The following HPRT1 variants were observed in gnomAD, a reference collection of about 807,000 sequenced individuals.
HPRT1 encodes hypoxanthine-guanine phosphoribosyltransferase.
Under a neutral mutation model 19.0 loss-of-function variants are expected in HPRT1, and 4 were observed. The ratio of observed to expected loss-of-function variants is 0.21; its 90% CI spans 0.10 to 0.48. The LOEUF (loss-of-function observed/expected upper bound fraction) is 0.48. HPRT1 is among the 20% of genes least tolerant of loss of function. The pLI is 0.98. For missense variants in HPRT1, 65 were observed against 164.0 expected (o/e 0.40, Z 3.30); for synonymous variants, 53 against 54.9 (o/e 0.97, Z 0.15).
chrX:134,483,784 C>T (rs937612959), intron 3 of HPRT1, among the ~76,000 whole-genome samples: 1 of 111,719 alleles, frequency 9.0e-6, no homozygotes, highest in African/African-American at 3.3e-5. Context: ...GCACTTATAC[C>T]TGTATTCCAA....
chrX:134,467,039 A>C lies in HPRT1; in HGVS notation c.28-6320A>C, dbSNP rs763154412. Among the ~76,000 whole-genome samples the C allele has an allele frequency of 3.1e-4, 26 of 83,362 alleles. No individual in the cohort carries two copies. In the South Asian group the frequency reaches 9.6e-3, roughly 31 times the overall value. The allele number at this position is 83,362 out of a possible 115,157, so 72.4% of individuals were successfully genotyped here. On this transcript the variant is annotated intron_variant, in intron 1 of 8. Transcript: ENST00000298556. ...TATATGCCTTTCCCACTAGATTTTA[A>C]GCTTTTTTTTTTTTTTTTTTTTTGT...
chrX:134,471,619 C>T (rs190406957), intron 1 of HPRT1, among the ~76,000 whole-genome samples: 138 of 111,000 alleles, frequency 1.2e-3, no homozygotes, highest in Non-Finnish European at 1.9e-3. Flanking sequence ...ATTGGGGTAG[C>T]GGGGACAGCA....
chrX:134,500,017 T>G lies in HPRT1; in HGVS notation c.610-13T>G. The G allele has an allele frequency of 9.4e-7, 1 of 1,059,380 alleles. No homozygotes were observed. Among genetic ancestry groups the G allele is most frequent in the Non-Finnish European group, 1.3e-6 (1 of 761,780 alleles). The allele number at this position is 1,059,380 out of a possible 1,213,427, so 87.3% of individuals were successfully genotyped here. ...TACTTTTTAAATGTGAATTTCTGGA[T>G]TTTTTTTTATAGCATGTTTGTGTCA... On this transcript the variant is annotated splice_polypyrimidine_tract_variant and intron_variant, in intron 8 of 8. Coordinates refer to ENST00000298556, the MANE Select transcript of HPRT1 (RefSeq NM_000194.3).
At chrX:134,469,914 C>T (rs960249989) in intron 1 of HPRT1, among the ~76,000 whole-genome samples, 1 of 112,235 alleles carries the variant, frequency 8.9e-6, no homozygotes, top group Non-Finnish European at 1.9e-5. Flanking sequence ...AACTAAATTT[C>T]AGTTCATAAA....
At chrX:134,490,110 G>A in intron 4 of HPRT1, 78 bp from the exon 5 acceptor site, 1 of 603,612 alleles carries the variant, frequency 1.7e-6, no homozygotes, top group Non-Finnish European at 2.7e-6. Flanking sequence ...CCTTAGGGTT[G>A]TTATGATGTG....
rs753582058 is a variant in HPRT1 at position 134,460,268 on chromosome X, TTCC to T, written c.-36_-34del. On this transcript the variant is annotated 5_prime_UTR_variant, in exon 1 of 9. Coordinates refer to ENST00000298556, the MANE Select transcript of HPRT1 (RefSeq NM_000194.3). ...CCTCCTCCTCTGCTCCGCCACCGGC[TTCC>T]TCCTCCTGAGCAGTCAGCCCGCGCG... 8.9e-6 allele frequency: 10 copies of T among 1,119,167 alleles called. No homozygotes were observed. The East Asian group carries it at 1.1e-4, about 12-fold the overall frequency. 92.2% of individuals were successfully genotyped at this position (1,119,167 alleles called of 1,213,427 possible).
intron 3 of HPRT1, among the ~76,000 whole-genome samples, chrX:134,476,916 TAAGC>T (rs1388917639): frequency 9.0e-6 from 1 of 110,952 alleles, no homozygotes; most frequent in African/African-American, 3.3e-5. Flanking sequence ...ATCTTAAACA[TAAGC>T]AAAGCATATT....
chrX:134,470,696 C>T (rs1035856183), intron 1 of HPRT1, among the ~76,000 whole-genome samples: 1 of 110,557 alleles, frequency 9.0e-6, no homozygotes, highest in Non-Finnish European at 1.9e-5. Flanking sequence ...TTCAAATAGA[C>T]TTTGAATATA....
At chrX:134,464,926 CT>C (rs1212014171) in intron 1 of HPRT1, among the ~76,000 whole-genome samples, 30 of 102,988 alleles carry the variant, frequency 2.9e-4, no homozygotes, top group Admixed American at 7.4e-4. Context: ...CGAACATTGT[CT>C]TTTTTTTTTT....
intron 3 of HPRT1, among the ~76,000 whole-genome samples, chrX:134,476,665 G>A (rs999774549): frequency 8.9e-6 from 1 of 111,852 alleles, no homozygotes; most frequent in Non-Finnish European, 1.9e-5. Flanking sequence ...GTCTTGTTAC[G>A]TTATGACTAA....
chrX:134,460,288 G>A lies in HPRT1; in HGVS notation c.-24G>A. On this transcript the variant is annotated 5_prime_UTR_variant, in exon 1 of 9. Coordinates refer to ENST00000298556, the MANE Select transcript of HPRT1 (RefSeq NM_000194.3). ...CCGGCTTCCTCCTCCTGAGCAGTCAGCCCGCGCGCCGGCCGGCTCCGTTAT... is the reference window on the plus strand; with the variant it reads ...CCGGCTTCCTCCTCCTGAGCAGTCAACCCGCGCGCCGGCCGGCTCCGTTAT... The A allele has an allele frequency of 2.7e-6, 3 of 1,125,674 alleles. No individual in the cohort carries two copies. Among genetic ancestry groups the A allele is most frequent in the Non-Finnish European group, 2.3e-6 (2 of 856,729 alleles). The allele number at this position is 1,125,674 out of a possible 1,213,427, so 92.8% of individuals were successfully genotyped here.
intron 5 of HPRT1, among the ~76,000 whole-genome samples, chrX:134,491,408 T>C (rs1447365908): frequency 9.0e-6 from 1 of 111,627 alleles, no homozygotes; most frequent in African/African-American, 3.3e-5. Context: ...TGTGTCCTGA[T>C]AAACCCATCT....
intron 1 of HPRT1, among the ~76,000 whole-genome samples, chrX:134,462,429 G>A (rs747674796): frequency 9.0e-6 from 1 of 111,707 alleles, no homozygotes; most frequent in Non-Finnish European, 1.9e-5. Flanking sequence ...TGATCCACCC[G>A]CCTTGGCCTC....
chrX:134,496,231 C>T (rs376949140), intron 6 of HPRT1, among the ~76,000 whole-genome samples: 4 of 112,190 alleles, frequency 3.6e-5, no homozygotes, highest in South Asian at 7.4e-4. Flanking sequence ...ACATCCTTGA[C>T]AACACTTGTT....
intron 8 of HPRT1, among the ~76,000 whole-genome samples, chrX:134,499,270 GGAGTTC>G (rs2077688965): frequency 9.0e-6 from 1 of 110,710 alleles, no homozygotes; most frequent in Admixed American, 9.7e-5. Flanking sequence ...CTTGAGGTCA[GGAGTTC>G]GAGACCAGCC....
chrX:134,480,766 TACACAC>T (rs748211684), intron 3 of HPRT1, among the ~76,000 whole-genome samples: 7 of 92,170 alleles, frequency 7.6e-5, no homozygotes, highest in Admixed American at 4.7e-4. Context: ...TAACTTAAAA[TACACAC>T]ACACACACAC....
At chrX:134,495,071 C>T (rs1177275166) in intron 6 of HPRT1, among the ~76,000 whole-genome samples, 3 of 110,152 alleles carry the variant, frequency 2.7e-5, no homozygotes, top group East Asian at 5.7e-4. Flanking sequence ...CTAATATTTC[C>T]ACTCTCCCTG....
At chrX:134,467,112 A>G (rs1411612066) in intron 1 of HPRT1, among the ~76,000 whole-genome samples, 1 of 91,319 alleles carries the variant, frequency 1.1e-5, no homozygotes, top group Non-Finnish European at 2.0e-5. Flanking sequence ...GTGCAGTGGC[A>G]CAATCTCGGC....
chrX:134,499,506 T>C (rs768659407), intron 8 of HPRT1, among the ~76,000 whole-genome samples: 9 of 105,454 alleles, frequency 8.5e-5, no homozygotes, highest in African/African-American at 2.1e-4. Flanking sequence ...AAAAACTACG[T>C]ATTAAGACAA....
Sources: allele counts gnomAD v4.1 joint callset (sites outside exome capture counted in the v4.1 genomes callset), GRCh38; gene constraint gnomAD v4.1.1; transcripts MANE v1.5; gene names NCBI Gene and HGNC (gene_info 2026-07-23, HGNC 2026-07-21).